TRIM44: variants seen among roughly 807,000 people sequenced by gnomAD.
The protein encoded by TRIM44 is tripartite motif-containing protein 44.
Under a neutral mutation model 37.4 loss-of-function variants are expected in TRIM44, and 13 were observed. The observed-to-expected ratio is 0.35, with a 90% CI of 0.23 to 0.55. The LOEUF (loss-of-function observed/expected upper bound fraction) is 0.55. Ranked by LOEUF, TRIM44 falls within the 20% of genes least tolerant of loss-of-function variation. The pLI is 0.89. For synonymous variants in TRIM44, 175 were observed against 157.2 expected, an observed-to-expected ratio of 1.11 and a Z score of -0.85; for missense variants, 426 against 437.2, an observed-to-expected ratio of 0.97 and a Z score of 0.23.
intron 2 of TRIM44, among the ~76,000 whole-genome samples, chr11:35,705,774 G>A (rs1590525746): frequency 6.8e-6 from 1 of 146,970 alleles, no homozygotes; most frequent in Non-Finnish European, 1.5e-5. Flanking sequence ...TGTGTAGAGG[G>A]AAATTTATAG....
chr11:35,796,181 C>G (rs973232870), intron 4 of TRIM44, among the ~76,000 whole-genome samples: 23 of 152,210 alleles, frequency 1.5e-4, no homozygotes, highest in Non-Finnish European at 1.5e-5. Flanking sequence ...AGGTCATCAT[C>G]ATGGGACTCC....
intron 2 of TRIM44, among the ~76,000 whole-genome samples, chr11:35,688,439 A>G (rs1375582886): frequency 6.6e-6 from 1 of 152,216 alleles, no homozygotes; most frequent in African/African-American, 2.4e-5. Flanking sequence ...GATATTCATA[A>G]AGAAAAAGTA....
intron 1 of TRIM44, among the ~76,000 whole-genome samples, chr11:35,680,037 A>G (rs574114486): frequency 1.3e-5 from 2 of 152,302 alleles, no homozygotes; most frequent in South Asian, 4.1e-4. Flanking sequence ...CAAATTTTAT[A>G]TCGTTTTGAG....
intron 2 of TRIM44, 65 bp downstream of exon 2, chr11:35,685,401 A>G (rs1033344613): frequency 3.1e-5 from 43 of 1,371,844 alleles, no homozygotes; most frequent in Admixed American, 6.9e-5. Context: ...TTGAGCTAAA[A>G]TTGTGAGGTG....
chr11:35,766,879 A>T (rs1464795057), intron 4 of TRIM44, among the ~76,000 whole-genome samples: 1 of 152,236 alleles, frequency 6.6e-6, no homozygotes, highest in Non-Finnish European at 1.5e-5. Flanking sequence ...CTTTGTGAAT[A>T]GTAAAGCACT....
rs1273119068 is a variant in TRIM44 at position 35,806,916 on chromosome 11, A to T, written c.*531A>T. ...GAAAATTGTGGTGCCATGAATTAAG[A>T]TGGATGACTGGAAAAAGGTGTTGGA... On this transcript the variant is annotated 3_prime_UTR_variant, in exon 5 of 5. Transcript: ENST00000299413. 2 of 152,824 alleles carry T rather than the reference A, an allele frequency of 1.3e-5. No individual in the cohort carries two copies. The highest frequency in any genetic ancestry group is 4.8e-5 in the African/African-American group (2 of 41,472). 9.5% of individuals were successfully genotyped at this position (152,824 alleles called of 1,614,324 possible).
intron 4 of TRIM44, among the ~76,000 whole-genome samples, chr11:35,796,774 C>T (rs1044811448): frequency 1.3e-5 from 2 of 152,134 alleles, no homozygotes; most frequent in Admixed American, 6.6e-5. Flanking sequence ...GGCCCCAGGG[C>T]ATTTTTCTCT....
At chr11:35,696,427 C>G in intron 2 of TRIM44, among the ~76,000 whole-genome samples, 1 of 151,290 alleles carries the variant, frequency 6.6e-6, no homozygotes, top group Middle Eastern at 3.2e-3. Context: ...CAGGCGTGAG[C>G]CGCCGCAAGC....
At chr11:35,794,812 T>C (rs542176614) in intron 4 of TRIM44, among the ~76,000 whole-genome samples, 20 of 152,366 alleles carry the variant, frequency 1.3e-4, no homozygotes, top group African/African-American at 4.3e-4. Context: ...TCAAAAACAT[T>C]TGTTGCAGTT....
At chr11:35,742,869 A>G (rs1852430084) in intron 4 of TRIM44, among the ~76,000 whole-genome samples, 1 of 148,750 alleles carries the variant, frequency 6.7e-6, no homozygotes, top group South Asian at 2.1e-4. Flanking sequence ...TTCTAATTTG[A>G]ATGAAAAAAC....
chr11:35,665,828 C>T (rs1167343543), intron 1 of TRIM44, among the ~76,000 whole-genome samples: 1 of 151,784 alleles, frequency 6.6e-6, no homozygotes, highest in Non-Finnish European at 1.5e-5. Context: ...GAACTCCTGA[C>T]CTCAGGTGAT....
intron 4 of TRIM44, among the ~76,000 whole-genome samples, chr11:35,793,905 T>A (rs759328560): frequency 3.9e-5 from 6 of 152,208 alleles, no homozygotes; most frequent in Non-Finnish European, 8.8e-5. Context: ...AGGGTTATTA[T>A]GAAAACTGTA....
At chr11:35,705,175 A>G (rs1851861905) in intron 2 of TRIM44, among the ~76,000 whole-genome samples, 3 of 150,644 alleles carry the variant, frequency 2.0e-5, no homozygotes, top group African/African-American at 7.4e-5. Flanking sequence ...AGGCCATTAC[A>G]TAATGGTAAA....
intron 3 of TRIM44, among the ~76,000 whole-genome samples, chr11:35,731,751 C>T (rs1176215897): frequency 6.6e-6 from 1 of 152,022 alleles, no homozygotes; most frequent in Non-Finnish European, 1.5e-5. Flanking sequence ...AAGGAGAATA[C>T]TGAGTTGCAA....
intron 4 of TRIM44, among the ~76,000 whole-genome samples, chr11:35,800,702 C>CT (rs1225872133): frequency 6.6e-6 from 1 of 152,170 alleles, no homozygotes; most frequent in Non-Finnish European, 1.5e-5. Context: ...TTAGGCCATC[C>CT]TTCAGATTGT....
chr11:35,730,418 T>C (rs1185714406), intron 3 of TRIM44, among the ~76,000 whole-genome samples: 1 of 152,120 alleles, frequency 6.6e-6, no homozygotes, highest in Non-Finnish European at 1.5e-5. Context: ...GCTGAAAAAA[T>C]AGTTTGAAGT....
At position 35,662,974 on chromosome 11, in the gene TRIM44, G is replaced by A; in HGVS notation, c.-138G>A. 7.3e-7 allele frequency: 1 copy of A among 1,364,794 alleles called. No homozygotes were observed. The highest frequency in any genetic ancestry group is 1.9e-5 in the South Asian group (1 of 53,510). 84.5% of individuals were successfully genotyped at this position (1,364,794 alleles called of 1,614,324 possible). ...AGGGGCTGCCGCGGCCCCAGGTCCCGCTTCGAGACGCGGCGCGGTCCAGGC... is the reference window on the plus strand; with the variant it reads ...AGGGGCTGCCGCGGCCCCAGGTCCCACTTCGAGACGCGGCGCGGTCCAGGC... On this transcript the variant is annotated 5_prime_UTR_variant, in exon 1 of 5. Transcript: ENST00000299413.
chr11:35,736,705 C>A (rs1013544561), intron 4 of TRIM44, among the ~76,000 whole-genome samples: 1 of 152,206 alleles, frequency 6.6e-6, no homozygotes, highest in African/African-American at 2.4e-5. Flanking sequence ...TCTACTATGG[C>A]TAAAGCCACA....
At chr11:35,738,877 C>CAA (rs1239713000) in intron 4 of TRIM44, among the ~76,000 whole-genome samples, 2 of 152,142 alleles carry the variant, frequency 1.3e-5, no homozygotes, top group African/African-American at 2.4e-5. Context: ...ATTCTTTTCA[C>CAA]ACAGCCACTT....
Sources: allele counts gnomAD v4.1 joint callset (sites outside exome capture counted in the v4.1 genomes callset), GRCh38; gene constraint gnomAD v4.1.1; transcripts MANE v1.5; gene names NCBI Gene and HGNC (gene_info 2026-07-23, HGNC 2026-07-21).